The following SYT14 variants were observed in gnomAD, a reference collection of about 807,000 sequenced individuals.
SYT14 encodes the protein synaptotagmin 14.
SYT14 carries 32 observed loss-of-function variants against 74.2 expected under a neutral mutation model. That is an observed-to-expected ratio of 0.43 (90% confidence interval 0.33 to 0.58). The LOEUF is 0.58. Among genes scored for constraint, SYT14 ranks in the 20% least tolerant of loss-of-function variants. The pLI, the probability that SYT14 is intolerant of heterozygous loss-of-function variation, is 0.05. For synonymous variants in SYT14, 298 were observed against 337.7 expected (o/e 0.88, Z 1.29); for missense variants, 791 against 981.8 (o/e 0.81, Z 2.60).
At chr1:209,972,853 T>G (rs566526783) in intron 2 of SYT14, among the ~76,000 whole-genome samples, 17 of 152,158 alleles carry the variant, frequency 1.1e-4, no homozygotes, top group Admixed American at 6.5e-4. Flanking sequence ...CTGTAGATGG[T>G]TATTAGGTTC....
intron 7 of SYT14, among the ~76,000 whole-genome samples, chr1:210,129,425 G>A (rs2082631096): frequency 6.6e-6 from 1 of 152,160 alleles, no homozygotes; most frequent in Non-Finnish European, 1.5e-5. Flanking sequence ...CTACAGGGAT[G>A]GGACGCACTG....
chr1:210,000,610 C>CTTTT lies in SYT14; in HGVS notation c.-485-13021_-485-13020insTTTT, dbSNP rs1404742763. Among the ~76,000 whole-genome samples the CTTTT allele has an allele frequency of 2.8e-3, 322 of 115,520 alleles. 27 individuals are homozygous for CTTTT. The East Asian group carries it at 0.058, about 21-fold the overall frequency. The allele number at this position is 115,520 out of a possible 152,430, so 75.8% of individuals were successfully genotyped here. On this transcript the variant is annotated intron_variant, in intron 2 of 9. Transcript: ENST00000637265. ...TACTTTCATTAGGGCTGTTTTATGC[C>CTTTT]TTCTTTTTTTTTTTTTTTTTTTGAG...
intron 5 of SYT14, among the ~76,000 whole-genome samples, chr1:210,089,571 C>A (rs1310111922): frequency 6.6e-6 from 1 of 152,074 alleles, no homozygotes; most frequent in Non-Finnish European, 1.5e-5. Flanking sequence ...TGATTGATAT[C>A]TTCAGGATAT....
In SYT14 at chr1:210,034,279, A is replaced by G. The variant is rs553050535; in HGVS notation, c.1312+13025A>G. ...GTCTGCCCTCAGAGCTAATGCACCA[A>G]ACTTCTCCACTGAAATAACTTAGAT... On this transcript the variant is annotated intron_variant, in intron 5 of 9. Coordinates refer to ENST00000637265, the Ensembl canonical transcript of SYT14. Among the ~76,000 whole-genome samples, 3 of 151,876 alleles carry G rather than the reference A, an allele frequency of 2.0e-5. No homozygotes were observed. In the East Asian group the frequency reaches 5.8e-4, roughly 29 times the overall value.
At chr1:210,127,199 C>T (rs1044940964) in intron 7 of SYT14, among the ~76,000 whole-genome samples, 1 of 152,122 alleles carries the variant, frequency 6.6e-6, no homozygotes, top group Admixed American at 6.6e-5. Flanking sequence ...TCTAGGAGAA[C>T]GTAAGTACCA....
intron 5 of SYT14, among the ~76,000 whole-genome samples, chr1:210,080,163 G>C (rs10779521): frequency 0.05 from 7,579 of 152,154 alleles, 1,040 homozygotes; most frequent in East Asian, 0.42. Context: ...TAAAGCAATG[G>C]ATTTGAAATA....
intron 7 of SYT14, among the ~76,000 whole-genome samples, chr1:210,147,181 A>G (rs1323918428): frequency 6.6e-6 from 1 of 152,042 alleles, no homozygotes; most frequent in African/African-American, 2.4e-5. Context: ...AAAAAAAAAG[A>G]ATAAGACAAT....
intron 2 of SYT14, among the ~76,000 whole-genome samples, chr1:209,974,125 G>A (rs1304925093): frequency 6.6e-6 from 1 of 151,932 alleles, no homozygotes. Flanking sequence ...TTTGTCAGAT[G>A]AGTAGATTGC....
In SYT14 at chr1:210,066,289, G is replaced by C. The variant is rs533821807; in HGVS notation, c.1313-28033G>C. Among the ~76,000 whole-genome samples, 4 of 152,014 alleles carry C rather than the reference G, an allele frequency of 2.6e-5. 1 individual carries two copies. The highest frequency in any genetic ancestry group is 4.2e-4 in the South Asian group (2 of 4,798). Reference sequence around the variant, plus strand: ...ATGGTATTTCTAGTTCTAGATCCCTGAGGAATCGCCACACTGACTTCCACA... The same window carrying C: ...ATGGTATTTCTAGTTCTAGATCCCTCAGGAATCGCCACACTGACTTCCACA... On this transcript the variant is annotated intron_variant, in intron 5 of 9. Coordinates refer to ENST00000637265, the Ensembl canonical transcript of SYT14.
chr1:210,148,504 G>T (rs914226527), intron 7 of SYT14, among the ~76,000 whole-genome samples: 2 of 102,904 alleles, frequency 1.9e-5, no homozygotes, highest in Non-Finnish European at 3.7e-5. Context: ...GCAAAACTCC[G>T]TCTCAAAAAA....
At chr1:209,994,050 A>G (rs1273378736) in intron 2 of SYT14, among the ~76,000 whole-genome samples, 3 of 152,152 alleles carry the variant, frequency 2.0e-5, no homozygotes, top group Non-Finnish European at 4.4e-5. Context: ...ACCCTCCAAG[A>G]TGAGAGTCAG....
intron 2 of SYT14, among the ~76,000 whole-genome samples, chr1:209,956,663 C>T (rs2078998260): frequency 6.6e-6 from 1 of 152,130 alleles, no homozygotes; most frequent in Non-Finnish European, 1.5e-5. Flanking sequence ...TATAGTCTGC[C>T]ATTTATCAAT....
intron 2 of SYT14, among the ~76,000 whole-genome samples, chr1:210,009,107 ATAT>A: frequency 6.6e-6 from 1 of 152,338 alleles, no homozygotes; most frequent in Admixed American, 6.5e-5. Context: ...CCTGAGCTGC[ATAT>A]GTCTGGCAGG....
At chr1:209,981,450 C>CTTTTTTTTTTTTTTTTTTTT (rs1183885685) in intron 2 of SYT14, among the ~76,000 whole-genome samples, 5 of 99,046 alleles carry the variant, frequency 5.0e-5, no homozygotes, top group Admixed American at 1.3e-4. Context: ...TTTTTCTTTT[C>CTTTTTTTTTTTTTTTTTTTT]TTTTTTTTTT....
chr1:209,947,614 G>T (rs2078842807), intron 1 of SYT14, among the ~76,000 whole-genome samples: 1 of 152,194 alleles, frequency 6.6e-6, no homozygotes, highest in Admixed American at 6.5e-5. Flanking sequence ...GTTTCTTGAG[G>T]TGAAATATAC....
rs534421387 is a variant in SYT14 at position 209,982,676 on chromosome 1, G to A, written c.-486+29920G>A. On this transcript the variant is annotated intron_variant, in intron 2 of 9. Transcript: ENST00000637265. ...TAAGCATCAATGTACACATTTTTGT[G>A]TGGATGTAAGTTTTCAACTTTTTTC... Among the ~76,000 whole-genome samples the A allele has an allele frequency of 2.0e-5, 3 of 152,322 alleles. No individual in the cohort carries two copies. The East Asian group carries it at 5.8e-4, about 29-fold the overall frequency.
chr1:210,021,484 A>G (rs1258697620), intron 5 of SYT14, among the ~76,000 whole-genome samples: 2 of 152,238 alleles, frequency 1.3e-5, no homozygotes, highest in Non-Finnish European at 2.9e-5. Flanking sequence ...GTAATGTGTT[A>G]ATTGTAGCTC....
chr1:210,048,898 G>C (rs973343361), intron 5 of SYT14, among the ~76,000 whole-genome samples: 5 of 152,174 alleles, frequency 3.3e-5, no homozygotes, highest in Non-Finnish European at 7.3e-5. Context: ...TTCCAAATGG[G>C]AGAAATTCAC....
At chr1:210,112,072 G>T (rs921397365) in intron 7 of SYT14, among the ~76,000 whole-genome samples, 4 of 151,248 alleles carry the variant, frequency 2.6e-5, no homozygotes, top group Non-Finnish European at 5.9e-5. Context: ...AGGTGGGAAG[G>T]CCAAACCAAG....
Sources: allele counts gnomAD v4.1 joint callset (sites outside exome capture counted in the v4.1 genomes callset), GRCh38; gene constraint gnomAD v4.1.1; transcripts MANE v1.5; gene names NCBI Gene and HGNC (gene_info 2026-07-23, HGNC 2026-07-21).